GRIK4: variants seen among roughly 807,000 people sequenced by gnomAD.
GRIK4 encodes glutamate receptor ionotropic, kainate 4.
Under a neutral mutation model 104.9 loss-of-function variants are expected in GRIK4, and 40 were observed. That is an observed-to-expected ratio of 0.38 (90% CI 0.30 to 0.50). The LOEUF is 0.50. GRIK4 is among the 20% of genes least tolerant of loss of function. The pLI is 0.93. For missense variants in GRIK4, 1,047 were observed against 1,308.1 expected, an observed-to-expected ratio of 0.80 and a Z score of 3.08; for synonymous variants, 485 against 524.9, an observed-to-expected ratio of 0.92 and a Z score of 1.04.
chr11:120,541,042 A>G (rs898042253), intron 1 of GRIK4, among the ~76,000 whole-genome samples: 1 of 152,216 alleles, frequency 6.6e-6, no homozygotes, highest in Non-Finnish European at 1.5e-5. Flanking sequence ...CTCTCTCTCC[A>G]GCATATTTTT....
At chr11:120,897,761 A>G (rs921427971) in intron 11 of GRIK4, among the ~76,000 whole-genome samples, 5 of 152,032 alleles carry the variant, frequency 3.3e-5, no homozygotes, top group Non-Finnish European at 7.4e-5. Context: ...GGTTAAATAC[A>G]TTCTTACAAT....
At chr11:120,572,380 A>G (rs1948412481) in intron 1 of GRIK4, among the ~76,000 whole-genome samples, 2 of 152,164 alleles carry the variant, frequency 1.3e-5, no homozygotes, top group African/African-American at 4.8e-5. Context: ...TTCCATCTGA[A>G]TCGGGCAGGT....
intron 14 of GRIK4, among the ~76,000 whole-genome samples, chr11:120,943,743 A>G (rs1264377617): frequency 6.6e-6 from 1 of 152,216 alleles, no homozygotes; most frequent in Non-Finnish European, 1.5e-5. Context: ...CTGATGAGTT[A>G]TTGTTACCAA....
At position 120,881,954 on chromosome 11, in the gene GRIK4, C is replaced by T. The variant is rs185303608; in HGVS notation, c.1164+6711C>T. 2.0e-5 allele frequency among the ~76,000 whole-genome samples: 3 copies of T among 152,244 alleles called. No homozygotes were observed. In the East Asian group the frequency reaches 5.8e-4, roughly 29 times the overall value. Reference sequence around the variant, plus strand: ...GCAGACCTGCTTCTCTGGTGGGAGCCACTCCTGTCCCCATATCTAGGCCCT... The same window carrying T: ...GCAGACCTGCTTCTCTGGTGGGAGCTACTCCTGTCCCCATATCTAGGCCCT... On this transcript the variant is annotated intron_variant, in intron 11 of 20. Transcript: ENST00000527524.
At chr11:120,696,325 CCA>C (rs1950448495) in intron 3 of GRIK4, among the ~76,000 whole-genome samples, 1 of 152,088 alleles carries the variant, frequency 6.6e-6, no homozygotes, top group South Asian at 2.1e-4. Flanking sequence ...CTTACGCTAT[CCA>C]CAGAGTCCTG....
chr11:120,573,757 CAAG>C (rs1948436131), intron 1 of GRIK4, among the ~76,000 whole-genome samples: 2 of 152,310 alleles, frequency 1.3e-5, no homozygotes, highest in East Asian at 3.9e-4. Context: ...GGGCCTGACT[CAAG>C]AGCCAGGTGA....
chr11:120,620,205 C>G (rs532822551), intron 1 of GRIK4: 29 of 790,880 alleles, frequency 3.7e-5, no homozygotes, highest in South Asian at 3.5e-4. Flanking sequence ...CAGATGATAT[C>G]AATTTGACAT....
intron 1 of GRIK4, among the ~76,000 whole-genome samples, chr11:120,647,834 C>G (rs1245101715): frequency 1.3e-5 from 2 of 152,176 alleles, no homozygotes; most frequent in African/African-American, 4.8e-5. Context: ...ACAAGGACAT[C>G]CTACTTCTCC....
chr11:120,656,810 C>T (rs548112058), intron 2 of GRIK4, among the ~76,000 whole-genome samples: 8 of 152,120 alleles, frequency 5.3e-5, no homozygotes, highest in South Asian at 2.1e-4. Flanking sequence ...GCCAAGATCG[C>T]GCCACTGCAC....
At position 120,940,378 on chromosome 11, in the gene GRIK4, T is replaced by C. The variant is rs369491400; in HGVS notation, c.1508T>C (p.Ile503Thr). ...KADLAVAGLTITAEREKVIDF... is the reference protein window; with the variant it reads ...KADLAVAGLTTTAEREKVIDF... The stretch of plus-strand genomic sequence containing the variant: ...GATCTGGCTGTGGCAGGCCTCACCA[T>C]TACAGCTGAACGGGAGAAGGTGATT... The change falls in exon 14 of 21, where the codon ATT (isoleucine) becomes ACT (threonine). Residue 503 changes from isoleucine to threonine, a missense_variant. Ile to Thr is a moderately conservative substitution (Grantham distance 89). Transcript: ENST00000527524. The surrounding 1 kb of genome is among the most constrained non-coding windows in gnomAD (Gnocchi z 4.3). 6.2e-6 allele frequency: 10 copies of C among 1,613,560 alleles called. No individual in the cohort carries two copies. Among genetic ancestry groups the C allele is most frequent in the Non-Finnish European group, 6.8e-6 (8 of 1,179,588 alleles).
intron 8 of GRIK4, among the ~76,000 whole-genome samples, chr11:120,861,419 T>TA (rs1314168528): frequency 6.6e-6 from 1 of 152,080 alleles, no homozygotes; most frequent in East Asian, 1.9e-4. Context: ...TATCATTTTT[T>TA]AAAAAGGAAC....
intron 1 of GRIK4, among the ~76,000 whole-genome samples, chr11:120,602,124 C>A (rs377307992): frequency 6.6e-6 from 1 of 152,146 alleles, no homozygotes; most frequent in African/African-American, 2.4e-5. Context: ...TTTCATCCAG[C>A]GGCTCCTTAC....
chr11:120,771,446 G>A (rs1284844476), intron 3 of GRIK4, among the ~76,000 whole-genome samples: 1 of 152,224 alleles, frequency 6.6e-6, no homozygotes, highest in Non-Finnish European at 1.5e-5. Flanking sequence ...AAATTTCTAA[G>A]CAAAGTGTTG....
rs187686739 is a variant in GRIK4 at position 120,782,981 on chromosome 11, C to T, written c.83-19712C>T. On this transcript the variant is annotated intron_variant, in intron 3 of 20. Coordinates refer to ENST00000527524, the MANE Select transcript of GRIK4 (RefSeq NM_014619.5). The stretch of plus-strand genomic sequence containing the variant: ...TTTATAAGGGCCTTAATCACACTCA[C>T]GAGGGAGGAGCCCTGGTGACCTAAC... 9.7e-4 allele frequency among the ~76,000 whole-genome samples: 147 copies of T among 152,310 alleles called. 1 individual carries two copies. Among genetic ancestry groups the T allele is most frequent in the African/African-American group, 3.3e-3 (137 of 41,566 alleles).
intron 3 of GRIK4, among the ~76,000 whole-genome samples, chr11:120,696,726 G>C (rs954375241): frequency 6.6e-6 from 1 of 152,268 alleles, no homozygotes; most frequent in South Asian, 2.1e-4. Flanking sequence ...GGCAGCAGGG[G>C]TGGACCGGAG....
chr11:120,742,161 C>T (rs768918244), intron 3 of GRIK4, among the ~76,000 whole-genome samples: 2 of 152,038 alleles, frequency 1.3e-5, no homozygotes, highest in Non-Finnish European at 2.9e-5. Flanking sequence ...GCCTGGCCAA[C>T]ATGGGGAAAC....
chr11:120,643,650 T>G (rs999656432), intron 1 of GRIK4, among the ~76,000 whole-genome samples: 3 of 152,246 alleles, frequency 2.0e-5, no homozygotes, highest in African/African-American at 7.2e-5. Flanking sequence ...TCATCGCTCA[T>G]TAGCTTTGTG....
intron 19 of GRIK4, among the ~76,000 whole-genome samples, chr11:120,971,760 G>A (rs1944479378): frequency 6.6e-6 from 1 of 152,224 alleles, no homozygotes. Context: ...GGCTTTAAGG[G>A]CACATGGCCT....
At chr11:120,793,535 CT>C (rs1321370110) in intron 3 of GRIK4, among the ~76,000 whole-genome samples, 8 of 152,264 alleles carry the variant, frequency 5.3e-5, no homozygotes, top group Middle Eastern at 3.4e-3. Flanking sequence ...AACCAGCTCA[CT>C]GAGAGTGGCC....
Sources: allele counts gnomAD v4.1 joint callset (sites outside exome capture counted in the v4.1 genomes callset), GRCh38; gene constraint gnomAD v4.1.1; non-coding constraint Gnocchi (gnomAD v3.1); transcripts MANE v1.5; gene names NCBI Gene and HGNC (gene_info 2026-07-23, HGNC 2026-07-21).